Variants in ZNF19 observed in about 807,000 individuals in gnomAD.
The protein encoded by ZNF19 is zinc finger protein 19.
ZNF19 carries 11 observed loss-of-function variants against 13.1 expected under a neutral mutation model. The ratio of observed to expected loss-of-function variants is 0.84; its 90% confidence interval spans 0.53 to 1.39. The LOEUF (loss-of-function observed/expected upper bound fraction) is 1.39. ZNF19 is among the 40% of genes most tolerant of loss of function. The pLI, the probability that ZNF19 is intolerant of heterozygous loss-of-function variation, is 0.00. For missense variants in ZNF19, 560 were observed against 547.0 expected, an observed-to-expected ratio of 1.02 and a Z score of -0.24; for synonymous variants, 186 against 187.0, an observed-to-expected ratio of 0.99 and a Z score of 0.04.
In ZNF19 at chr16:71,482,082, C is replaced by T. The variant is rs761093007; in HGVS notation, c.33G>A (p.Gln11=). 6.2e-7 allele frequency: 1 copy of T among 1,614,010 alleles called. No homozygotes were observed. Among genetic ancestry groups the T allele is most frequent in the African/African-American group, 1.3e-5 (1 of 74,938 alleles). The change falls in exon 3 of 6, where the codon CAG becomes CAA. Residue 11 remains glutamine (Q), a splice_region_variant and synonymous_variant. Transcript: ENST00000288177. ...CTGACCTCAGGGATCCACAGCTCACCTGGTATTGAGCTTTCAGAGGCATGG... is the reference window on the plus strand; with the variant it reads ...CTGACCTCAGGGATCCACAGCTCACTTGGTATTGAGCTTTCAGAGGCATGG... The part of the protein sequence containing the change: MAAMPLKAQY[Q]EMVTFEDVAV...
intron 1 of ZNF19, 72 bp downstream of exon 1, chr16:71,489,200 C>T: frequency 1.0e-6 from 1 of 969,916 alleles, no homozygotes; most frequent in Non-Finnish European, 1.2e-6. Flanking sequence ...CTCAAAGGAC[C>T]AGCCTGGACT....
intron 1 of ZNF19, among the ~76,000 whole-genome samples, chr16:71,485,334 C>T (rs1156442977): frequency 6.6e-6 from 1 of 151,882 alleles, no homozygotes; most frequent in East Asian, 1.9e-4. Flanking sequence ...CCTGTAATCC[C>T]AGCTACTCGG....
At chr16:71,486,506 G>C (rs2043679620) in intron 1 of ZNF19, among the ~76,000 whole-genome samples, 2 of 152,300 alleles carry the variant, frequency 1.3e-5, no homozygotes, top group East Asian at 1.9e-4. Flanking sequence ...TTTGAAGATG[G>C]AGGAAGGGGC....
At chr16:71,486,837 G>C (rs992066044) in intron 1 of ZNF19, among the ~76,000 whole-genome samples, 1 of 152,054 alleles carries the variant, frequency 6.6e-6, no homozygotes, top group Non-Finnish European at 1.5e-5. Flanking sequence ...ACAAAAACAA[G>C]TCTCTATTGT....
intron 1 of ZNF19, among the ~76,000 whole-genome samples, chr16:71,487,763 A>G (rs975162884): frequency 6.6e-6 from 1 of 152,120 alleles, no homozygotes; most frequent in African/African-American, 2.4e-5. Flanking sequence ...CTTCTCTCCC[A>G]TATGTCTGAA....
In ZNF19 at chr16:71,475,909, C is replaced by G. The variant is rs201608341; in HGVS notation, c.638G>C (p.Gly213Ala). The stretch of plus-strand genomic sequence containing the variant: ...CTCCTCACACTGATAGGGTCTCTCT[C>G]CAGTGTGAATCCTCTGGTGCCGAAT... ...SLIRHQRIHT[G>A]ERPYQCEECG... The change falls in exon 6 of 6, where the codon GGA (glycine) becomes GCA (alanine). Residue 213 changes from glycine to alanine, a missense_variant. Transcript: ENST00000288177. The G allele has an allele frequency of 1.1e-4, 178 of 1,612,900 alleles. No homozygotes were observed. Among genetic ancestry groups the G allele is most frequent in the Non-Finnish European group, 1.4e-4 (161 of 1,179,572 alleles).
chr16:71,475,380 C>T lies in ZNF19; in HGVS notation c.1167G>A (p.Glu389=), dbSNP rs751312104. The T allele has an allele frequency of 6.2e-7, 1 of 1,614,072 alleles. No individual in the cohort carries two copies. The highest frequency in any genetic ancestry group is 1.1e-5 in the South Asian group (1 of 91,072). ...HTQESSYVCD[E]CGKALTSKRN... ...TTTTGCTAGTCAAGGCTTTTCCACA[C>T]TCATCACATACATAGGAAGACTCCT... is the stretch of plus-strand genomic sequence containing the variant. The change falls in exon 6 of 6, where the codon GAG becomes GAA. Residue 389 remains glutamate (E), a synonymous_variant. Coordinates refer to ENST00000288177, the MANE Select transcript of ZNF19 (RefSeq NM_006961.4).
At chr16:71,486,390 C>T (rs1355148383) in intron 1 of ZNF19, among the ~76,000 whole-genome samples, 1 of 151,862 alleles carries the variant, frequency 6.6e-6, no homozygotes, top group Non-Finnish European at 1.5e-5. Context: ...TTGGATTATT[C>T]AGGTGGGCCC....
chr16:71,479,376 T>C (rs1345735833), intron 3 of ZNF19, among the ~76,000 whole-genome samples: 2 of 152,222 alleles, frequency 1.3e-5, no homozygotes, highest in African/African-American at 2.4e-5. Flanking sequence ...TTGCTTCAAA[T>C]GGTATCTCAG....
chr16:71,476,213 CTCTT>C lies in ZNF19; in HGVS notation c.330_333del (p.Arg111MetfsTer3). On this transcript the variant is annotated frameshift_variant, in exon 6 of 6. Transcript: ENST00000288177. LOFTEE classifies it low-confidence loss of function (END_TRUNC). The stretch of plus-strand genomic sequence containing the variant: ...AGCTGACCATGTGACATCATCCCAT[CTCTT>C]TCTTCAGAAATTCCCTGGATTAATG... 2 of 1,614,130 alleles carry C rather than the reference CTCTT, an allele frequency of 1.2e-6. No individual in the cohort carries two copies. Among genetic ancestry groups the C allele is most frequent in the South Asian group, 2.2e-5 (2 of 91,066 alleles).
Position 71,484,702 on chromosome 16 carries a change from G to A in ZNF19, c.-143C>T. 1 of 985,440 alleles carries A rather than the reference G, an allele frequency of 1.0e-6. No individual in the cohort carries two copies. The highest frequency in any genetic ancestry group is 1.7e-5 in the African/African-American group (1 of 57,356). 61.0% of individuals were successfully genotyped at this position (985,440 alleles called of 1,614,324 possible). The stretch of plus-strand genomic sequence containing the variant: ...CCGGAGCGGTCTTCTCAGTGGTTGT[G>A]TGGTTTTACTCCCGGGAGGAGTTTC... On this transcript the variant is annotated 5_prime_UTR_variant, in exon 2 of 6. Transcript: ENST00000288177.
In ZNF19 at chr16:71,475,956, G is replaced by A. The variant is rs1243590600; in HGVS notation, c.591C>T (p.Ala197=). 3 of 1,612,598 alleles carry A rather than the reference G, an allele frequency of 1.9e-6. No homozygotes were observed. The highest frequency in any genetic ancestry group is 1.3e-5 in the African/African-American group (1 of 74,364). Residue 197 remains alanine, a synonymous_variant, in exon 6 of 6, where the codon GCC becomes GCT. Transcript: ENST00000288177. Reference sequence around the variant, plus strand: ...GAATTAACGAAGAATTACCATTAAAGGCTTTTCCACACTCACTACACTCAA... The same window carrying A: ...GAATTAACGAAGAATTACCATTAAAAGCTTTTCCACACTCACTACACTCAA... ...KPFECSECGK[A]FNGNSSLIRH...
chr16:71,479,005 C>G lies in ZNF19; in HGVS notation c.34G>C (p.Glu12Gln), dbSNP rs756573026. 1 of 1,614,186 alleles carries G rather than the reference C, an allele frequency of 6.2e-7. No individual in the cohort carries two copies. Among genetic ancestry groups the G allele is most frequent in the Non-Finnish European group, 8.5e-7 (1 of 1,180,030 alleles). Residue 12 changes from glutamate (E) to glutamine (Q), a missense_variant and splice_region_variant, in exon 4 of 6, where the codon GAG becomes CAG. Physicochemically the swap from Glu to Gln is conservative, Grantham distance 29. Coordinates refer to ENST00000288177, the MANE Select transcript of ZNF19 (RefSeq NM_006961.4). ...GCCACATCCTCGAAGGTCACCATCTCCTAAAACAACAGGTTCCTGCTGCCC... is the reference window on the plus strand; with the variant it reads ...GCCACATCCTCGAAGGTCACCATCTGCTAAAACAACAGGTTCCTGCTGCCC... ...AAMPLKAQYQ[E>Q]MVTFEDVAVH...
rs1388753410 is a variant in ZNF19 at position 71,475,637 on chromosome 16, T to G, written c.910A>C (p.Asn304His). The G allele has an allele frequency of 6.2e-7, 1 of 1,614,218 alleles. No individual in the cohort carries two copies. Among genetic ancestry groups the G allele is most frequent in the Admixed American group, 1.7e-5 (1 of 60,018 alleles). Reference protein sequence around the residue: ...IHTGEKPYECNECGKSFGRTS... With the variant: ...IHTGEKPYECHECGKSFGRTS... ...CTTCCAAAGCTTTTGCCACACTCAT[T>G]ACACTCATAGGGTTTCTCTCCAGTG... Residue 304 changes from asparagine to histidine, a missense_variant, in exon 6 of 6, where the codon AAT (asparagine) becomes CAT (histidine). By Grantham distance (68) the Asn-to-His change is moderately conservative. Coordinates refer to ENST00000288177, the MANE Select transcript of ZNF19 (RefSeq NM_006961.4).
chr16:71,476,337 T>C (rs2043602913), intron 5 of ZNF19, 65 bp from the exon 6 acceptor site: 22 of 1,480,456 alleles, frequency 1.5e-5, no homozygotes, highest in South Asian at 8.1e-5. Context: ...TAATAGAGCA[T>C]TGAAAATGAT....
chr16:71,477,125 T>G (rs902623636), intron 5 of ZNF19, among the ~76,000 whole-genome samples: 6 of 152,184 alleles, frequency 3.9e-5, no homozygotes, highest in Non-Finnish European at 5.9e-5. Flanking sequence ...ATGATGGGCT[T>G]GGTTTTAACA....
At chr16:71,476,332 G>A in intron 5 of ZNF19, 60 bp from the exon 6 acceptor site, 4 of 1,498,880 alleles carry the variant, frequency 2.7e-6, no homozygotes, top group Non-Finnish European at 2.7e-6. Flanking sequence ...AGAAATAATA[G>A]AGCATTGAAA....
chr16:71,475,439 C>T lies in ZNF19; in HGVS notation c.1108G>A (p.Glu370Lys). The change falls in exon 6 of 6, where the codon GAA becomes AAA. Residue 370 changes from glutamate to lysine, a missense_variant. Transcript: ENST00000288177. ...VDCGKAFSAQ[E>K]QLKRHLRIHT... The stretch of plus-strand genomic sequence containing the variant: ...ATTCTCAGATGCCTTTTTAATTGTT[C>T]CTGAGCACTGAAGGCTTTTCCACAA... 6.2e-7 allele frequency: 1 copy of T among 1,611,360 alleles called. No homozygotes were observed. The highest frequency in any genetic ancestry group is 8.5e-7 in the Non-Finnish European group (1 of 1,179,036).
chr16:71,475,117 C>T lies in ZNF19; in HGVS notation c.*53G>A, dbSNP rs1479333385. 2 of 1,500,296 alleles carry T rather than the reference C, an allele frequency of 1.3e-6. No homozygotes were observed. The highest frequency in any genetic ancestry group is 2.8e-5 in the African/African-American group (2 of 71,724). The allele number at this position is 1,500,296 out of a possible 1,614,324, so 92.9% of individuals were successfully genotyped here. A position where few individuals can be genotyped will look rare whatever the true frequency, so the allele number is the denominator to read the frequency against. On this transcript the variant is annotated 3_prime_UTR_variant, in exon 6 of 6. Coordinates refer to ENST00000288177, the MANE Select transcript of ZNF19 (RefSeq NM_006961.4). The stretch of plus-strand genomic sequence containing the variant: ...TGAGTCAGGCCTGTGTCACACATTC[C>T]ATTCCTGAGTAGAAGACGGAATCCA...
Sources: gnomAD v4.1 joint callset for allele counts (sites outside exome capture counted in the v4.1 genomes callset) on GRCh38, gnomAD v4.1.1 for gene constraint, MANE v1.5 for transcripts, NCBI Gene and HGNC (gene_info 2026-07-23, HGNC 2026-07-21) for gene names.